BTBD8: variants seen among roughly 807,000 people sequenced by gnomAD.
The protein encoded by BTBD8 is BTB/POZ domain-containing protein 8.
BTBD8 carries 110 observed loss-of-function variants against 162.9 expected under a neutral mutation model. That is an observed-to-expected ratio of 0.68 (90% CI 0.58 to 0.79). The LOEUF (loss-of-function observed/expected upper bound fraction) is 0.79. BTBD8 is among the 30% of genes least tolerant of loss of function. The pLI, the probability that BTBD8 is intolerant of heterozygous loss-of-function variation, is 0.00. For missense variants in BTBD8, 1,905 were observed against 2,085.4 expected, an observed-to-expected ratio of 0.91 and a Z score of 1.68; for synonymous variants, 667 against 716.1, an observed-to-expected ratio of 0.93 and a Z score of 1.10.
chr1:92,176,022 G>T (rs768568264), intron 13 of BTBD8, among the ~76,000 whole-genome samples: 23 of 152,000 alleles, frequency 1.5e-4, no homozygotes, highest in Non-Finnish European at 2.9e-4. Context: ...CCTATAGCCA[G>T]CCAGTGCTAT....
rs368752214 is a variant in BTBD8, at chr1:92,177,481, C to T, written c.2288C>T (p.Ser763Phe). ...GAAAAGCCTTCTGGACATAAACTAT[C>T]CTTTTGTGATTCTCCAGGACAGATG... ...EEEKPSGHKL[S>F]FCDSPGQMMK... is the part of the protein sequence containing the mutation. The change falls in exon 14 of 18, where the codon TCC becomes TTC. Residue 763 changes from serine to phenylalanine, a missense_variant. By Grantham distance (155) the Ser-to-Phe change is radical. Coordinates refer to ENST00000636805, the MANE Select transcript of BTBD8 (RefSeq NM_001376131.1). 6.4e-7 allele frequency: 1 copy of T among 1,551,408 alleles called. No homozygotes were observed. The highest frequency in any genetic ancestry group is 8.7e-7 in the Non-Finnish European group (1 of 1,146,962).
At chr1:92,177,956 A>G (rs1371069900) in intron 15 of BTBD8, 58 bp downstream of exon 15, 4 of 757,542 alleles carry the variant, frequency 5.3e-6, no homozygotes, top group Admixed American at 3.1e-5. Context: ...AGTTAATTAT[A>G]TACTAACTGC....
chr1:92,127,142 G>T (rs972278730), intron 4 of BTBD8, among the ~76,000 whole-genome samples: 1 of 152,114 alleles, frequency 6.6e-6, no homozygotes, highest in East Asian at 1.9e-4. Context: ...ATTTTTAGAT[G>T]TGGCTATCTA....
At position 92,180,901 on chromosome 1, in the gene BTBD8, A is replaced by G. The variant is rs1215155425; in HGVS notation, c.3218A>G (p.His1073Arg). Reference protein sequence around the residue: ...DDCDAANICCHSVGSDNVNSK... With the variant: ...DDCDAANICCRSVGSDNVNSK... ...TGCGATGCAGCTAACATATGTTGTC[A>G]TTCTGTTGGGAGTGATAATGTAAAT... The change falls in exon 17 of 18, where the codon CAT (histidine) becomes CGT (arginine). Residue 1073 changes from histidine to arginine, a missense_variant. Coordinates refer to ENST00000636805, the MANE Select transcript of BTBD8 (RefSeq NM_001376131.1). The G allele has an allele frequency of 1.9e-6, 3 of 1,551,688 alleles. No individual in the cohort carries two copies. In the Admixed American group the frequency reaches 5.9e-5, roughly 30 times the overall value.
intron 4 of BTBD8, chr1:92,126,002 C>T (rs939737307): frequency 6.9e-5 from 32 of 463,136 alleles, no homozygotes; most frequent in Non-Finnish European, 1.2e-4. Context: ...GGTAGTGTAT[C>T]AACCGAGGCA....
intron 4 of BTBD8, among the ~76,000 whole-genome samples, chr1:92,110,629 G>A (rs1434180734): frequency 4.6e-5 from 7 of 152,122 alleles, no homozygotes; most frequent in Admixed American, 3.3e-4. Context: ...TGCAAGCTCC[G>A]CCTCCCGGGT....
At chr1:92,164,589 A>T (rs1650342795) in intron 9 of BTBD8, among the ~76,000 whole-genome samples, 1 of 151,618 alleles carries the variant, frequency 6.6e-6, no homozygotes, top group East Asian at 2.0e-4. Context: ...ACTGCACCCC[A>T]GCCTGGGTGA....
Position 92,102,476 on chromosome 1 carries a change from T to C in BTBD8, c.351T>C (p.Ile117=). The stretch of plus-strand genomic sequence containing the variant: ...TATTTTATATTTTGTCTTTTAGGAT[T>C]ATATATTCATCAAACAGAAACATAA... ...EALEFRTFLQ[I]IYSSNRNIKN... is the part of the protein sequence containing the mutation. The change falls in exon 3 of 18, where the codon ATT becomes ATC. Residue 117 remains isoleucine (I), a synonymous_variant. Transcript: ENST00000636805. 6.8e-7 allele frequency: 1 copy of C among 1,481,450 alleles called. No individual in the cohort carries two copies. Among genetic ancestry groups the C allele is most frequent in the African/African-American group, 1.4e-5 (1 of 69,900 alleles). The allele number at this position is 1,481,450 out of a possible 1,614,324, so 91.8% of individuals were successfully genotyped here.
rs925135092 is a variant in BTBD8, at chr1:92,182,520, G to T, written c.4837G>T (p.Val1613Phe). ...ATCTCTAGACTCCTTTCGGAGTCAA[G>T]TTCTGCCTCAGGAAGGTCCAGTGAA... Reference protein sequence around the residue: ...TKSLDSFRSQVLPQEGPVKES... With the variant: ...TKSLDSFRSQFLPQEGPVKES... The change falls in exon 17 of 18, where the codon GTT (valine) becomes TTT (phenylalanine). Residue 1613 changes from valine (V) to phenylalanine (F), a missense_variant. Val to Phe is a conservative substitution (Grantham distance 50). Coordinates refer to ENST00000636805, the MANE Select transcript of BTBD8 (RefSeq NM_001376131.1). 6.5e-7 allele frequency: 1 copy of T among 1,546,926 alleles called. No individual in the cohort carries two copies. Among genetic ancestry groups the T allele is most frequent in the South Asian group, 1.2e-5 (1 of 82,496 alleles).
chr1:92,108,670 GA>G (rs769224401), intron 4 of BTBD8, among the ~76,000 whole-genome samples: 1 of 152,136 alleles, frequency 6.6e-6, no homozygotes, highest in African/African-American at 2.4e-5. Flanking sequence ...CTTAAAAGCA[GA>G]AAAAAATTTA....
At chr1:92,148,513 C>G (rs1158152707) in intron 9 of BTBD8, among the ~76,000 whole-genome samples, 1 of 152,154 alleles carries the variant, frequency 6.6e-6, no homozygotes, top group East Asian at 1.9e-4. Flanking sequence ...TGGCAGTGCC[C>G]TGTGGGGCTG....
At chr1:92,100,802 G>A (rs1412967970) in intron 2 of BTBD8, among the ~76,000 whole-genome samples, 2 of 152,140 alleles carry the variant, frequency 1.3e-5, no homozygotes, top group East Asian at 1.9e-4. Flanking sequence ...GTAGAGACGG[G>A]GTTTCACCAT....
chr1:92,174,356 G>A (rs960694979), intron 13 of BTBD8, among the ~76,000 whole-genome samples: 1 of 151,930 alleles, frequency 6.6e-6, no homozygotes, highest in African/African-American at 2.4e-5. Flanking sequence ...CCTGGCTAAT[G>A]TTTGTATTTT....
intron 4 of BTBD8, chr1:92,126,535 C>T (rs767372584): frequency 1.5e-5 from 8 of 531,638 alleles, no homozygotes; most frequent in Admixed American, 2.2e-5. Context: ...GCTTTATTTT[C>T]GCTATTTGCA....
chr1:92,080,662 T>C lies in BTBD8; in HGVS notation c.91T>C (p.Cys31Arg). ...TAAGGGGTTGCAAAGGAAGGGGCCG[T>C]GTGAGCGGCGCCGGCTGAAGGCGAC... Reference protein sequence around the residue: ...CSKGLQRKGPCERRRLKATVS... With the variant: ...CSKGLQRKGPRERRRLKATVS... Residue 31 changes from cysteine (C) to arginine (R), a missense_variant, in exon 1 of 18, where the codon TGT (cysteine) becomes CGT (arginine). This residue lies in a region of BTBD8 where 1,374 missense variants were observed against 1,442.7 expected (regional missense o/e 0.95). Coordinates refer to ENST00000636805, the MANE Select transcript of BTBD8 (RefSeq NM_001376131.1). 1 of 1,613,418 alleles carries C rather than the reference T, an allele frequency of 6.2e-7. No individual in the cohort carries two copies. Among genetic ancestry groups the C allele is most frequent in the South Asian group, 1.1e-5 (1 of 90,950 alleles).
At position 92,184,045 on chromosome 1, in the gene BTBD8, G is replaced by A. The variant is rs1651005849; in HGVS notation, c.5094G>A (p.Trp1698Ter). Residue 1698 changes from tryptophan (W) to a stop codon, truncating the protein, a stop_gained, in exon 18 of 18, where the codon TGG becomes TGA. Transcript: ENST00000636805. LOFTEE classifies it high-confidence loss of function. The stretch of plus-strand genomic sequence containing the variant: ...ACCAACATTTTGCAAAACAAGATTG[G>A]ACACTACTAAAGCAACTGCTCTCTG... ...EDDQHFAKQD[W>*]TLLKQLLSEQ... The A allele has an allele frequency of 6.4e-7, 1 of 1,551,462 alleles. No individual in the cohort carries two copies. Among genetic ancestry groups the A allele is most frequent in the African/African-American group, 1.4e-5 (1 of 73,026 alleles).
At chr1:92,148,092 C>T (rs1003277561) in intron 9 of BTBD8, among the ~76,000 whole-genome samples, 3 of 152,132 alleles carry the variant, frequency 2.0e-5, no homozygotes, top group South Asian at 2.1e-4. Context: ...CCCACTCACC[C>T]AGGTGGATCT....
intron 3 of BTBD8, among the ~76,000 whole-genome samples, chr1:92,106,662 A>AAT (rs1648737413): frequency 7.2e-6 from 1 of 139,520 alleles, no homozygotes; most frequent in Non-Finnish European, 1.5e-5. Context: ...CTCTGTCTCA[A>AAT]AAAAAAAAAA....
intron 2 of BTBD8, among the ~76,000 whole-genome samples, chr1:92,096,882 G>C (rs544730054): frequency 3.3e-5 from 5 of 151,986 alleles, no homozygotes; most frequent in Non-Finnish European, 5.9e-5. Context: ...CCACTTTCTT[G>C]GAGTATTATT....
Sources: gnomAD v4.1 joint callset for allele counts (sites outside exome capture counted in the v4.1 genomes callset) on GRCh38, gnomAD v4.1.1 for gene constraint, gnomAD v4.1.1 regional missense constraint, MANE v1.5 for transcripts, NCBI Gene and HGNC (gene_info 2026-07-23, HGNC 2026-07-21) for gene names.